The following NPSR1 variants were observed in gnomAD, a reference collection of about 807,000 sequenced individuals.
NPSR1 encodes neuropeptide S receptor.
In NPSR1, 48 loss-of-function variants were observed where a neutral mutation model predicts 46.9. The observed-to-expected ratio is 1.02, with a 90% CI of 0.81 to 1.30. The LOEUF (loss-of-function observed/expected upper bound fraction) is 1.30. Among genes scored for constraint, NPSR1 ranks in the 50% most tolerant of loss-of-function variants. The pLI is 0.00. For missense variants in NPSR1, 450 were observed against 449.5 expected (o/e 1.00, Z -0.01); for synonymous variants, 176 against 168.1 (o/e 1.05, Z -0.36).
At chr7:34,792,635 G>GTGTATATATATA (rs1276389639) in intron 3 of NPSR1, among the ~76,000 whole-genome samples, 1 of 74,894 alleles carries the variant, frequency 1.3e-5, no homozygotes, top group African/African-American at 4.5e-5. Context: ...GTGTGTGTGT[G>GTGTATATATATA]TATGTGTATA....
chr7:34,850,912 G>A (rs1048351382), downstream of NPSR1, among the ~76,000 whole-genome samples: 1 of 152,078 alleles, frequency 6.6e-6, no homozygotes, highest in Non-Finnish European at 1.5e-5. Context: ...CTAGCACCTC[G>A]GCCAGGAAGT....
At chr7:34,741,815 A>G (rs974721523) in intron 2 of NPSR1, among the ~76,000 whole-genome samples, 1 of 152,226 alleles carries the variant, frequency 6.6e-6, no homozygotes, top group African/African-American at 2.4e-5. Flanking sequence ...GGTGACAAGC[A>G]GGCAATTTTA....
chr7:34,823,970 T>G (rs917778433), intron 4 of NPSR1, among the ~76,000 whole-genome samples: 1 of 152,120 alleles, frequency 6.6e-6, no homozygotes, highest in Non-Finnish European at 1.5e-5. Context: ...TAAAATTATA[T>G]TTGAAGAAAG....
At chr7:34,779,545 C>A in intron 3 of NPSR1, 2 of 1,153,900 alleles carry the variant, frequency 1.7e-6, no homozygotes, top group South Asian at 2.2e-5. Flanking sequence ...ATTTTCAGGT[C>A]ATGGTAATGA....
chr7:34,712,191 T>C (rs1783326686), intron 2 of NPSR1, among the ~76,000 whole-genome samples: 1 of 152,214 alleles, frequency 6.6e-6, no homozygotes. Context: ...TTTTATACAA[T>C]TGCTTTCCCC....
intron 7 of NPSR1, among the ~76,000 whole-genome samples, chr7:34,846,575 G>C (rs1390015019): frequency 6.6e-6 from 1 of 151,970 alleles, no homozygotes; most frequent in East Asian, 1.9e-4. Context: ...AGCTACACTA[G>C]AAGAATAATG....
Position 34,658,318 on chromosome 7 carries a change from A to G in NPSR1, c.-95A>G. On this transcript the variant is annotated 5_prime_UTR_variant, in exon 1 of 9. Coordinates refer to ENST00000360581, the MANE Select transcript of NPSR1 (RefSeq NM_207172.2). ...GGAGGGCTCTGTGCCTCCGTTCAGC[A>G]GAGCTGCAGCTGCTGCCCAGCTCTC... The G allele has an allele frequency of 7.1e-7, 1 of 1,413,418 alleles. No homozygotes were observed. The highest frequency in any genetic ancestry group is 9.8e-7 in the Non-Finnish European group (1 of 1,021,072). 87.6% of individuals were successfully genotyped at this position (1,413,418 alleles called of 1,614,324 possible).
rs1045791829 is a variant in NPSR1 at position 34,831,285 on chromosome 7, TTC to T, written c.681-3087_681-3086del. Among the ~76,000 whole-genome samples the T allele has an allele frequency of 4.7e-5, 7 of 147,380 alleles. No individual in the cohort carries two copies. In the East Asian group the frequency reaches 6.0e-4, roughly 13 times the overall value. On this transcript the variant is annotated intron_variant, in intron 5 of 8. Transcript: ENST00000360581. ...CTCTACTCTTTCTCTCCCTCTCTCATTCTCTCTCTCTCTGTCTCTCACACACA... is the reference window on the plus strand; with the variant it reads ...CTCTACTCTTTCTCTCCCTCTCTCATTCTCTCTCTCTGTCTCTCACACACA...
intron 3 of NPSR1, among the ~76,000 whole-genome samples, chr7:34,782,834 AT>A (rs1180586882): frequency 2.0e-5 from 3 of 152,158 alleles, no homozygotes; most frequent in Non-Finnish European, 2.9e-5. Context: ...AATCAAAATA[AT>A]TTTTTTAGGA....
intron 2 of NPSR1, among the ~76,000 whole-genome samples, chr7:34,759,194 G>A (rs150036353): frequency 4.6e-5 from 7 of 152,242 alleles, no homozygotes; most frequent in Admixed American, 1.3e-4. Context: ...AGAGTACATA[G>A]CCATCCTGAT....
chr7:34,828,782 G>C (rs1194132108), intron 5 of NPSR1, among the ~76,000 whole-genome samples: 1 of 152,142 alleles, frequency 6.6e-6, no homozygotes. Context: ...GATCAAAGAT[G>C]ATGCACATTT....
chr7:34,755,467 T>C (rs1172122430), intron 2 of NPSR1, among the ~76,000 whole-genome samples: 2 of 152,330 alleles, frequency 1.3e-5, no homozygotes, highest in East Asian at 3.9e-4. Context: ...AGGAGATTCA[T>C]CAACATTGCT....
At chr7:34,681,838 T>A (rs1324345801) in intron 1 of NPSR1, among the ~76,000 whole-genome samples, 2 of 147,780 alleles carry the variant, frequency 1.4e-5, no homozygotes, top group African/African-American at 2.6e-5. Context: ...AGAGAGAGAG[T>A]AATTCACCTT....
chr7:34,698,299 A>G (rs323911), intron 2 of NPSR1, among the ~76,000 whole-genome samples: 18,398 of 152,162 alleles, frequency 0.12, 1,191 homozygotes, highest in Middle Eastern at 0.18. Flanking sequence ...ATGATTTTGT[A>G]TACTTTTCTT....
Position 34,708,995 on chromosome 7 carries a change from G to A in NPSR1, c.280+24311G>A, listed in dbSNP as rs568838948. 2.6e-5 allele frequency among the ~76,000 whole-genome samples: 4 copies of A among 152,172 alleles called. No homozygotes were observed. The East Asian group carries it at 5.8e-4, about 22-fold the overall frequency. ...CAGAGAGGGTAAGTGGCCTCCCCAGGGTCTTCTAGCTGAATTGTAACCAGC... is the reference window on the plus strand; with the variant it reads ...CAGAGAGGGTAAGTGGCCTCCCCAGAGTCTTCTAGCTGAATTGTAACCAGC... On this transcript the variant is annotated intron_variant, in intron 2 of 8. Coordinates refer to ENST00000360581, the MANE Select transcript of NPSR1 (RefSeq NM_207172.2).
At chr7:34,687,680 G>C (rs2128686768) in intron 2 of NPSR1, among the ~76,000 whole-genome samples, 1 of 152,322 alleles carries the variant, frequency 6.6e-6, no homozygotes, top group African/African-American at 2.4e-5. Flanking sequence ...TTCAAGGTGA[G>C]TTTTGGGTGG....
rs34354694 is a variant in NPSR1 at position 34,770,238 on chromosome 7, G to A, written c.281-8224G>A. On this transcript the variant is annotated intron_variant, in intron 2 of 8. Coordinates refer to ENST00000360581, the MANE Select transcript of NPSR1 (RefSeq NM_207172.2). ...TCCAAGTAACTCCCAAGTCCATTCCGTTCATTCATCCAGTCCATTTGTGCC... is the reference window on the plus strand; with the variant it reads ...TCCAAGTAACTCCCAAGTCCATTCCATTCATTCATCCAGTCCATTTGTGCC... 9.4e-4 allele frequency among the ~76,000 whole-genome samples: 143 copies of A among 152,230 alleles called. 1 individual carries two copies. The highest frequency in any genetic ancestry group is 3.3e-3 in the African/African-American group (139 of 41,520).
chr7:34,837,086 GTTATCAAT>G (rs1203755206), intron 6 of NPSR1, among the ~76,000 whole-genome samples: 1 of 152,140 alleles, frequency 6.6e-6, no homozygotes, highest in Non-Finnish European at 1.5e-5. Context: ...GAAGCTAAAT[GTTATCAAT>G]GTTATTGCAG....
intron 1 of NPSR1, among the ~76,000 whole-genome samples, chr7:34,671,046 C>A (rs1018810261): frequency 6.6e-6 from 1 of 152,016 alleles, no homozygotes; most frequent in Non-Finnish European, 1.5e-5. Context: ...ACAAAGACTG[C>A]ATTAAGTTGT....
Sources: allele counts gnomAD v4.1 joint callset (sites outside exome capture counted in the v4.1 genomes callset), GRCh38; gene constraint gnomAD v4.1.1; transcripts MANE v1.5; gene names NCBI Gene and HGNC (gene_info 2026-07-23, HGNC 2026-07-21).